MYO16: variants seen among roughly 807,000 people sequenced by gnomAD.
MYO16 encodes the protein myosin XVI, also known as unconventional myosin-XVI.
Under a neutral mutation model 205.3 loss-of-function variants are expected in MYO16, and 94 were observed. That is an observed-to-expected ratio of 0.46 (90% CI 0.39 to 0.54). The LOEUF is 0.54. Ranked by LOEUF, MYO16 falls within the 20% of genes least tolerant of loss-of-function variation. The probability of loss-of-function intolerance (pLI) is 0.00; values close to 1 mark genes in which losing one functional copy is unlikely to be tolerated. For missense variants in MYO16, 2,315 were observed against 2,387.5 expected (o/e 0.97, Z 0.63); for synonymous variants, 988 against 954.0 (o/e 1.04, Z -0.66).
chr13:109,105,324 TA>T (rs989523183), intron 28 of MYO16, among the ~76,000 whole-genome samples: 1 of 152,000 alleles, frequency 6.6e-6, no homozygotes, highest in African/African-American at 2.4e-5. Flanking sequence ...TACAAAAAAA[TA>T]GCCAGGGATG....
rs1476510373 is a variant in MYO16, at chr13:109,162,018, G to A, written c.5165-2883G>A. ...GCAGGAGAATCTCCCAGGAGGCAGAGGTTGCAGGGAGCTGAGATCGTGCCA... is the reference window on the plus strand; with the variant it reads ...GCAGGAGAATCTCCCAGGAGGCAGAAGTTGCAGGGAGCTGAGATCGTGCCA... On this transcript the variant is annotated intron_variant, in intron 32 of 34. Transcript: ENST00000457511. This position sits in a 1 kb window ranked among gnomAD's most constrained non-coding sequence, Gnocchi z 4.6. 1.3e-5 allele frequency among the ~76,000 whole-genome samples: 2 copies of A among 152,244 alleles called. No individual in the cohort carries two copies. Among genetic ancestry groups the A allele is most frequent in the African/African-American group, 2.4e-5 (1 of 41,464 alleles).
At chr13:108,938,800 T>C (rs1408751985) in intron 16 of MYO16, among the ~76,000 whole-genome samples, 1 of 152,198 alleles carries the variant, frequency 6.6e-6, no homozygotes, top group East Asian at 1.9e-4. Context: ...ACCAGGTGAA[T>C]GAGTGTTCCA....
At chr13:108,886,211 T>G (rs1426599641) in intron 13 of MYO16, among the ~76,000 whole-genome samples, 1 of 152,110 alleles carries the variant, frequency 6.6e-6, no homozygotes, top group Non-Finnish European at 1.5e-5. Flanking sequence ...ATGGTCTCGA[T>G]CTCCTGACCT....
chr13:108,719,626 T>C (rs538347560), intron 3 of MYO16, among the ~76,000 whole-genome samples: 1 of 152,272 alleles, frequency 6.6e-6, no homozygotes, highest in East Asian at 1.9e-4. Context: ...TATGTACGTT[T>C]AACTAACAGA....
chr13:108,869,703 C>A, intron 12 of MYO16, among the ~76,000 whole-genome samples: 1 of 129,286 alleles, frequency 7.7e-6, no homozygotes, highest in Admixed American at 9.2e-5. Context: ...TGCACTCCAG[C>A]CTGGGCGACA....
rs115667579 is a variant in MYO16 at position 109,154,020 on chromosome 13, C to T, written c.5165-10881C>T. Among the ~76,000 whole-genome samples the T allele has an allele frequency of 4.7e-3, 716 of 152,362 alleles. 8 individuals carry two copies. Among genetic ancestry groups the T allele is most frequent in the African/African-American group, 0.016 (674 of 41,590 alleles). On this transcript the variant is annotated intron_variant, in intron 32 of 34. Transcript: ENST00000457511. ...ACGTGAGCACGTAAAGAATTAGTCA[C>T]TCCAGCCAATCTACCACCAGAAAGA...
intron 2 of MYO16, among the ~76,000 whole-genome samples, chr13:108,702,423 C>T (rs1359458564): frequency 6.6e-6 from 1 of 152,102 alleles, no homozygotes; most frequent in Non-Finnish European, 1.5e-5. Context: ...AGGAAGACTG[C>T]CAGCCAAGAA....
intron 4 of MYO16, among the ~76,000 whole-genome samples, chr13:108,733,471 C>T (rs1228880568): frequency 1.3e-5 from 2 of 152,148 alleles, no homozygotes; most frequent in African/African-American, 2.4e-5. Context: ...GATTTGATCC[C>T]ATAAAGGCCA....
At chr13:108,791,454 C>T (rs1886613070) in intron 5 of MYO16, among the ~76,000 whole-genome samples, 1 of 152,148 alleles carries the variant, frequency 6.6e-6, no homozygotes, top group Non-Finnish European at 1.5e-5. Flanking sequence ...AAGCTAAATA[C>T]ATATTATATG....
intron 9 of MYO16, among the ~76,000 whole-genome samples, chr13:108,828,088 A>G (rs74119796): frequency 0.016 from 2,454 of 152,230 alleles, 57 homozygotes; most frequent in African/African-American, 0.056. Flanking sequence ...ACTAGTTTGG[A>G]TTATTTCATT....
At chr13:108,811,831 A>G (rs955582171) in intron 7 of MYO16, among the ~76,000 whole-genome samples, 2 of 152,110 alleles carry the variant, frequency 1.3e-5, no homozygotes, top group Non-Finnish European at 2.9e-5. Context: ...ACAGGTTTTT[A>G]TCCCCCTCCC....
At chr13:109,139,913 T>C (rs1336327729) in intron 31 of MYO16, among the ~76,000 whole-genome samples, 1 of 151,946 alleles carries the variant, frequency 6.6e-6, no homozygotes, top group Non-Finnish European at 1.5e-5. Context: ...CTTTTTAACT[T>C]TTTGCTTTCT....
chr13:108,830,724 C>A (rs447085), intron 9 of MYO16, among the ~76,000 whole-genome samples: 92,802 of 150,690 alleles, frequency 0.62, 29,376 homozygotes, highest in Middle Eastern at 0.72. Context: ...ACTAACCGGC[C>A]CATTGTGCAC....
chr13:109,021,058 A>C (rs1009745828), intron 23 of MYO16, among the ~76,000 whole-genome samples: 1 of 152,100 alleles, frequency 6.6e-6, no homozygotes, highest in Non-Finnish European at 1.5e-5. Flanking sequence ...CCAAACCCAG[A>C]CCTTCAAAGG....
At chr13:108,803,070 C>A (rs1221149014) in intron 6 of MYO16, among the ~76,000 whole-genome samples, 3 of 152,104 alleles carry the variant, frequency 2.0e-5, no homozygotes, top group African/African-American at 7.2e-5. Context: ...TTATATTTTA[C>A]ATATCTTAAA....
Position 109,023,380 on chromosome 13 carries a change from TATA to T in MYO16, c.2796+3470_2796+3472del. Among the ~76,000 whole-genome samples the T allele has an allele frequency of 1.7e-4, 13 of 75,340 alleles. 3 individuals carry two copies. The highest frequency in any genetic ancestry group is 2.5e-4 in the Admixed American group (1 of 4,080). 49.4% of individuals were successfully genotyped at this position (75,340 alleles called of 152,430 possible). A position where few individuals can be genotyped will look rare whatever the true frequency, so the allele number is the denominator to read the frequency against. ...CAGATATAAATATATATTTATATATTATACAGATATAAATATATATTTATATAT... is the reference window on the plus strand; with the variant it reads ...CAGATATAAATATATATTTATATATTCAGATATAAATATATATTTATATAT... On this transcript the variant is annotated intron_variant, in intron 23 of 34. Transcript: ENST00000457511.
chr13:109,005,931 G>T (rs7985930), intron 21 of MYO16, among the ~76,000 whole-genome samples: 21,443 of 152,016 alleles, frequency 0.14, 1,603 homozygotes, highest in East Asian at 0.2. Context: ...TTCCATCTAG[G>T]TGCATGTAAT....
Position 109,079,540 on chromosome 13 carries a change from C to T in MYO16, c.3336-21245C>T, listed in dbSNP as rs574215588. Among the ~76,000 whole-genome samples the T allele has an allele frequency of 3.3e-3, 500 of 152,174 alleles. 3 individuals are homozygous for T. The highest frequency in any genetic ancestry group is 0.012 in the African/African-American group (483 of 41,506). ...CAGAAAACCAAATACCATGTGTTAC[C>T]GCTTATAAGCGGAAGCTAAACATTG... On this transcript the variant is annotated intron_variant, in intron 27 of 34. Transcript: ENST00000457511.
At chr13:109,120,582 C>T (rs1275469108) in intron 29 of MYO16, 116 bp downstream of exon 29, 8 of 629,312 alleles carry the variant, frequency 1.3e-5, no homozygotes, top group East Asian at 3.1e-5. Flanking sequence ...ACCACTCTCT[C>T]GATTCCTGGA....
Sources: gnomAD v4.1 joint callset for allele counts (sites outside exome capture counted in the v4.1 genomes callset) on GRCh38, gnomAD v4.1.1 for gene constraint, Gnocchi (gnomAD v3.1) non-coding constraint, MANE v1.5 for transcripts, NCBI Gene and HGNC (gene_info 2026-07-23, HGNC 2026-07-21) for gene names.